The following UNC80 variants were observed in gnomAD, a reference collection of about 807,000 sequenced individuals.
UNC80 encodes the protein protein unc-80 homolog.
In UNC80, 164 loss-of-function variants were observed where a neutral mutation model predicts 384.6. The observed-to-expected ratio is 0.43, with a 90% CI of 0.38 to 0.49. UNC80 has a LOEUF of 0.49. Ranked by LOEUF, UNC80 falls within the 20% of genes least tolerant of loss-of-function variation. The pLI is 0.00. For missense variants in UNC80, 3,330 were observed against 4,143.0 expected (o/e 0.80, Z 5.39); for synonymous variants, 1,486 against 1,527.8 (o/e 0.97, Z 0.64).
intron 61 of UNC80, among the ~76,000 whole-genome samples, chr2:209,986,142 C>T (rs149086049): frequency 3.9e-5 from 6 of 152,268 alleles, no homozygotes; most frequent in African/African-American, 1.2e-4. Context: ...CCTTTATTCA[C>T]GGTGTTGGAA....
At chr2:209,974,340 G>A (rs952905442) in intron 56 of UNC80, among the ~76,000 whole-genome samples, 1 of 152,120 alleles carries the variant, frequency 6.6e-6, no homozygotes, top group African/African-American at 2.4e-5. Flanking sequence ...ATGCTCAGTT[G>A]GCCAAGGTAT....
rs1474798037 is a variant in UNC80 at position 209,978,448 on chromosome 2, A to C, written c.8939-81A>C. The C allele has an allele frequency of 1.6e-5, 20 of 1,242,978 alleles. No homozygotes were observed. The East Asian group carries it at 5.1e-4, about 32-fold the overall frequency. 77.0% of individuals were successfully genotyped at this position (1,242,978 alleles called of 1,614,324 possible). On this transcript the variant is annotated intron_variant, in intron 58 of 64. Coordinates refer to ENST00000673920, the MANE Select transcript of UNC80 (RefSeq NM_001371986.1). ...TTATTTAACTAACCTTTCCTAAAAA[A>C]TACAAGTGGTCAGGGAGGACTTTGA...
intron 40 of UNC80, 137 bp from the exon 41 acceptor site, chr2:209,936,707 C>T: frequency 1.6e-6 from 1 of 630,620 alleles, no homozygotes; most frequent in Non-Finnish European, 2.9e-6. Flanking sequence ...ATACAGTTTA[C>T]ATAAGACATC....
At chr2:209,972,494 T>G (rs1017546692) in intron 55 of UNC80, among the ~76,000 whole-genome samples, 170 bp downstream of exon 55, 1 of 152,246 alleles carries the variant, frequency 6.6e-6, no homozygotes, top group Admixed American at 6.5e-5. Flanking sequence ...TCAGTTTAGC[T>G]ACCTGGGACC....
At chr2:209,995,307 G>A (rs1456925478) in intron 64 of UNC80, 22 bp from the exon 65 acceptor site, 2 of 1,551,314 alleles carry the variant, frequency 1.3e-6, no homozygotes, top group East Asian at 4.9e-5. Flanking sequence ...TTTCCATAAT[G>A]TTATGATCCT....
In UNC80 at chr2:209,917,934, G is replaced by A. The variant is rs1049518475; in HGVS notation, c.5187G>A (p.Glu1729=). 1 of 1,551,538 alleles carries A rather than the reference G, an allele frequency of 6.4e-7. No homozygotes were observed. Among genetic ancestry groups the A allele is most frequent in the African/African-American group, 1.4e-5 (1 of 73,014 alleles). The change falls in exon 32 of 65, where the codon GAG becomes GAA. Residue 1729 remains glutamate (E), a synonymous_variant. Coordinates refer to ENST00000673920, the MANE Select transcript of UNC80 (RefSeq NM_001371986.1). ...GCTATCAGGTCTGGCCCCGGATGGA[G>A]GAAGGGGCACAGCAGATTTTTAAGG... ...RFRYQVWPRM[E]EGAQQIFKIP... is the part of the protein sequence containing the mutation.
chr2:209,981,898 G>A (rs1396537850), intron 59 of UNC80, among the ~76,000 whole-genome samples: 1 of 152,164 alleles, frequency 6.6e-6, no homozygotes, highest in Non-Finnish European at 1.5e-5. Context: ...ATTTGCTGAT[G>A]CCTGTTCACT....
At chr2:209,828,374 A>G (rs2080699463) in intron 14 of UNC80, among the ~76,000 whole-genome samples, 2 of 152,210 alleles carry the variant, frequency 1.3e-5, no homozygotes, top group South Asian at 4.1e-4. Context: ...CCTAATTTCA[A>G]ATCTAGGACA....
At chr2:209,962,415 TG>T (rs1196425304) in intron 51 of UNC80, among the ~76,000 whole-genome samples, 1 of 152,082 alleles carries the variant, frequency 6.6e-6, no homozygotes, top group Non-Finnish European at 1.5e-5. Flanking sequence ...GTCTCCTGGT[TG>T]GTGTTTGTTA....
chr2:209,805,019 C>T (rs1387780646), intron 7 of UNC80, among the ~76,000 whole-genome samples: 1 of 152,150 alleles, frequency 6.6e-6, no homozygotes, highest in Non-Finnish European at 1.5e-5. Flanking sequence ...TTAATTTTAG[C>T]ATTATTTCCC....
In UNC80 at chr2:209,992,161, G is replaced by A; in HGVS notation, c.9315-5G>A. 6.4e-7 allele frequency: 1 copy of A among 1,551,416 alleles called. No homozygotes were observed. The highest frequency in any genetic ancestry group is 1.2e-5 in the South Asian group (1 of 84,054). On this transcript the variant is annotated splice_polypyrimidine_tract_variant and splice_region_variant and intron_variant, in intron 61 of 64. Transcript: ENST00000673920. ...GGGTACACTAACACTGTTGATGCTT[G>A]GCAGGGTGGCAAGTATACAGAGTGA...
rs2076598310 is a variant in UNC80 at position 209,771,993 on chromosome 2, A to G, written c.-80A>G. The G allele has an allele frequency of 2.9e-6, 3 of 1,029,852 alleles. No homozygotes were observed. The highest frequency in any genetic ancestry group is 2.9e-6 in the Non-Finnish European group (2 of 678,024). The allele number at this position is 1,029,852 out of a possible 1,614,324, so 63.8% of individuals were successfully genotyped here. On this transcript the variant is annotated 5_prime_UTR_variant, in exon 1 of 65. Coordinates refer to ENST00000673920, the MANE Select transcript of UNC80 (RefSeq NM_001371986.1). ...GGGGAAGGAGGGGATGAGAGTTGGG[A>G]GCAGCGGGAGGAGGCGGCGGCGGCG...
Position 209,775,923 on chromosome 2 carries a change from A to G in UNC80, c.176A>G (p.His59Arg), listed in dbSNP as rs201094113. The stretch of plus-strand genomic sequence containing the variant: ...CGAGTGTTGGTAGAAAACAAGCTGC[A>G]TGGCCTCTCTCCAGCTCTCTCTGAA... ...FERVLVENKL[H>R]GLSPALSEAI... The change falls in exon 3 of 65, where the codon CAT (histidine) becomes CGT (arginine). Residue 59 changes from histidine to arginine, a missense_variant. His to Arg is a conservative substitution (Grantham distance 29). Around this residue, in one of 8 missense-constraint regions of UNC80, gnomAD observed 86 missense variants for 141.5 expected, o/e 0.61. Transcript: ENST00000673920. 6.2e-7 allele frequency: 1 copy of G among 1,614,126 alleles called. No individual in the cohort carries two copies. The highest frequency in any genetic ancestry group is 2.2e-5 in the East Asian group (1 of 44,876).
chr2:209,808,191 A>G (rs1238109393), intron 7 of UNC80, among the ~76,000 whole-genome samples: 1 of 152,204 alleles, frequency 6.6e-6, no homozygotes, highest in Non-Finnish European at 1.5e-5. Context: ...GAAAGATACC[A>G]ATTTAGTCAT....
chr2:209,879,342 G>A (rs1349877912), intron 24 of UNC80, among the ~76,000 whole-genome samples: 1 of 152,178 alleles, frequency 6.6e-6, no homozygotes, highest in Non-Finnish European at 1.5e-5. Flanking sequence ...AACATTAAAT[G>A]CGTGCATCCT....
intron 51 of UNC80, among the ~76,000 whole-genome samples, chr2:209,964,335 A>AAGT: frequency 6.6e-6 from 1 of 152,176 alleles, no homozygotes; most frequent in East Asian, 1.9e-4. Flanking sequence ...ACCACCTGCT[A>AAGT]AGTACTCTTG....
chr2:209,782,095 C>T (rs1449873205), intron 4 of UNC80, among the ~76,000 whole-genome samples: 2 of 152,184 alleles, frequency 1.3e-5, no homozygotes, highest in Non-Finnish European at 2.9e-5. Context: ...ACTTGAGCCA[C>T]TTTCTAACTA....
At chr2:209,800,113 T>C (rs939251990) in intron 7 of UNC80, among the ~76,000 whole-genome samples, 2 of 152,212 alleles carry the variant, frequency 1.3e-5, no homozygotes, top group African/African-American at 4.8e-5. Flanking sequence ...TCCTTTTTAA[T>C]TGTTTGGAAT....
intron 15 of UNC80, among the ~76,000 whole-genome samples, chr2:209,830,097 C>T (rs926036406): frequency 6.6e-6 from 1 of 152,186 alleles, no homozygotes; most frequent in African/African-American, 2.4e-5. Context: ...ATAAAATACA[C>T]ATTTTAATTA....
Sources: allele counts gnomAD v4.1 joint callset (sites outside exome capture counted in the v4.1 genomes callset), GRCh38; gene constraint gnomAD v4.1.1; regional missense constraint gnomAD v4.1.1; transcripts MANE v1.5; gene names NCBI Gene and HGNC (gene_info 2026-07-23, HGNC 2026-07-21).